Variants in CLIC4 observed in about 807,000 individuals in gnomAD.
CLIC4 encodes chloride intracellular channel protein 4.
A neutral mutation model predicts 24.6 loss-of-function variants in CLIC4; 13 were observed. The observed-to-expected ratio is 0.53, with a 90% CI of 0.34 to 0.84. The LOEUF (loss-of-function observed/expected upper bound fraction) is 0.84. CLIC4 is among the 40% of genes least tolerant of loss of function. The probability of loss-of-function intolerance (pLI) is 0.01; values close to 1 mark genes in which losing one functional copy is unlikely to be tolerated. For missense variants in CLIC4, 227 were observed against 301.7 expected (o/e 0.75, Z 1.83); for synonymous variants, 104 against 111.3 (o/e 0.93, Z 0.41).
intron 1 of CLIC4, among the ~76,000 whole-genome samples, chr1:24,771,314 C>G (rs927834256): frequency 6.6e-6 from 1 of 152,186 alleles, no homozygotes; most frequent in Non-Finnish European, 1.5e-5. Context: ...CTTAGCAGAA[C>G]TACTCTTTCC....
At chr1:24,811,728 C>G (rs1272257973) in intron 2 of CLIC4, among the ~76,000 whole-genome samples, 1 of 152,152 alleles carries the variant, frequency 6.6e-6, no homozygotes, top group Admixed American at 6.6e-5. Flanking sequence ...AATCCTCCTG[C>G]CTTGGCCTCT....
intron 1 of CLIC4, among the ~76,000 whole-genome samples, chr1:24,765,815 C>CTTTTTTTTT (rs34506030): frequency 1.5e-5 from 2 of 135,398 alleles, no homozygotes; most frequent in Non-Finnish European, 3.1e-5. Flanking sequence ...TTCTTTCTTT[C>CTTTTTTTTT]TTTTTTTTTT....
chr1:24,814,976 G>A (rs1294200802), intron 3 of CLIC4, among the ~76,000 whole-genome samples: 1 of 152,094 alleles, frequency 6.6e-6, no homozygotes, highest in Non-Finnish European at 1.5e-5. Context: ...TGAGATGGAG[G>A]GTTCTAAAAT....
At chr1:24,776,102 A>G (rs751810633) in intron 1 of CLIC4, among the ~76,000 whole-genome samples, 7 of 152,102 alleles carry the variant, frequency 4.6e-5, no homozygotes, top group Non-Finnish European at 2.9e-5. Flanking sequence ...TGCTCTGTGC[A>G]TGTGTGTTTC....
intron 3 of CLIC4, among the ~76,000 whole-genome samples, chr1:24,821,491 T>C (rs752192406): frequency 1.4e-4 from 22 of 152,220 alleles, no homozygotes; most frequent in Non-Finnish European, 2.8e-4. Context: ...GTTCATAGTG[T>C]GCCAAATCCC....
rs777011914 is a variant in CLIC4 at position 24,814,054 on chromosome 1, T to TA, written c.183-34dup. 5 of 1,611,200 alleles carry TA rather than the reference T, an allele frequency of 3.1e-6. No homozygotes were observed. The Admixed American group carries it at 6.7e-5, about 22-fold the overall frequency. On this transcript the variant is annotated intron_variant, in intron 2 of 5. Coordinates refer to ENST00000374379, the MANE Select transcript of CLIC4 (RefSeq NM_013943.3). ...TTAAAGTATTATTGTTGTTTAAGAGTAAAAAATGATCTGATTTTGACCAAT... is the reference window on the plus strand; with the variant it reads ...TTAAAGTATTATTGTTGTTTAAGAGTAAAAAAATGATCTGATTTTGACCAAT...
chr1:24,801,227 T>G (rs927856970), intron 2 of CLIC4, among the ~76,000 whole-genome samples: 3 of 152,212 alleles, frequency 2.0e-5, no homozygotes, highest in South Asian at 2.1e-4. Flanking sequence ...TACCTGAGAC[T>G]GGGTAATTCA....
intron 3 of CLIC4, among the ~76,000 whole-genome samples, chr1:24,820,033 G>A (rs1378857571): frequency 3.4e-5 from 3 of 88,680 alleles, no homozygotes; most frequent in African/African-American, 7.4e-5. Flanking sequence ...GAGCTACCGC[G>A]CCCAGCCATA....
chr1:24,800,476 G>A (rs1454559936), intron 2 of CLIC4, among the ~76,000 whole-genome samples: 1 of 150,964 alleles, frequency 6.6e-6, no homozygotes, highest in African/African-American at 2.4e-5. Context: ...CAGCCGCCCC[G>A]TCCGGGAGGT....
At chr1:24,838,988 A>G (rs537852001) in intron 4 of CLIC4, among the ~76,000 whole-genome samples, 2 of 152,150 alleles carry the variant, frequency 1.3e-5, no homozygotes, top group South Asian at 4.2e-4. Context: ...TGTAAATTGA[A>G]CTCCTTAATC....
intron 1 of CLIC4, among the ~76,000 whole-genome samples, chr1:24,751,252 C>A (rs1028754344): frequency 7.0e-6 from 1 of 142,504 alleles, no homozygotes; most frequent in Admixed American, 7.5e-5. Flanking sequence ...CACTGTTACC[C>A]GGGCTGGAGT....
chr1:24,770,716 C>G (rs2124101119), intron 1 of CLIC4, among the ~76,000 whole-genome samples: 1 of 122,884 alleles, frequency 8.1e-6, no homozygotes, highest in Middle Eastern at 3.7e-3. Context: ...TCATTTTCCT[C>G]ACACCAATTC....
At chr1:24,825,279 C>T (rs1337599797) in intron 3 of CLIC4, among the ~76,000 whole-genome samples, 1 of 152,100 alleles carries the variant, frequency 6.6e-6, no homozygotes, top group East Asian at 1.9e-4. Context: ...ATTGAAAAGG[C>T]ATTATGTTCA....
At chr1:24,748,748 C>T (rs1431361809) in intron 1 of CLIC4, among the ~76,000 whole-genome samples, 1 of 151,974 alleles carries the variant, frequency 6.6e-6, no homozygotes, top group East Asian at 1.9e-4. Context: ...ATCTGCCTGC[C>T]TTGGCCTCCC....
Position 24,843,801 on chromosome 1 carries a change from C to G in CLIC4, c.*2864C>G, listed in dbSNP as rs964636767. On this transcript the variant is annotated 3_prime_UTR_variant, in exon 6 of 6. Coordinates refer to ENST00000374379, the MANE Select transcript of CLIC4 (RefSeq NM_013943.3). ...TGTTAACTTCTGTTGTGTTTTGAATCTCTCCAGAGTTGCATGTAGATAGCA... is the reference window on the plus strand; with the variant it reads ...TGTTAACTTCTGTTGTGTTTTGAATGTCTCCAGAGTTGCATGTAGATAGCA... 2.6e-5 allele frequency: 4 copies of G among 152,586 alleles called. No homozygotes were observed. Among genetic ancestry groups the G allele is most frequent in the Admixed American group, 6.5e-5 (1 of 15,270 alleles). 9.5% of individuals were successfully genotyped at this position (152,586 alleles called of 1,614,324 possible). A position where few individuals can be genotyped will look rare whatever the true frequency, so the allele number is the denominator to read the frequency against.
At chr1:24,807,181 T>C (rs535689290) in intron 2 of CLIC4, among the ~76,000 whole-genome samples, 60 of 151,956 alleles carry the variant, frequency 3.9e-4, no homozygotes, top group African/African-American at 1.4e-3. Context: ...AATCTTTCTG[T>C]TTAGAGAGCT....
intron 4 of CLIC4, among the ~76,000 whole-genome samples, chr1:24,828,862 A>G (rs907438541): frequency 2.0e-5 from 3 of 152,222 alleles, no homozygotes; most frequent in Non-Finnish European, 2.9e-5. Context: ...TACATGGTAC[A>G]TAATCTAGAA....
chr1:24,771,922 A>G (rs1345625749), intron 1 of CLIC4: 2 of 499,300 alleles, frequency 4.0e-6, no homozygotes, highest in Non-Finnish European at 8.0e-6. Context: ...TGTTCAGTCC[A>G]GTTTGTATTA....
chr1:24,820,230 A>G (rs1294481110), intron 3 of CLIC4, among the ~76,000 whole-genome samples: 1 of 129,704 alleles, frequency 7.7e-6, no homozygotes, highest in Admixed American at 7.9e-5. Flanking sequence ...GACCACAGGC[A>G]TGCACCCTAT....
Sources: allele counts gnomAD v4.1 joint callset (sites outside exome capture counted in the v4.1 genomes callset), GRCh38; gene constraint gnomAD v4.1.1; transcripts MANE v1.5; gene names NCBI Gene and HGNC (gene_info 2026-07-23, HGNC 2026-07-21).